The following PREP variants were observed in gnomAD, a reference collection of about 807,000 sequenced individuals.
PREP encodes the protein prolyl endopeptidase.
In PREP, 29 loss-of-function variants were observed where a neutral mutation model predicts 87.6. The ratio of observed to expected loss-of-function variants is 0.33; its 90% CI spans 0.25 to 0.45. PREP has a LOEUF of 0.45. Among genes scored for constraint, PREP ranks in the 20% least tolerant of loss-of-function variants. The probability of loss-of-function intolerance (pLI) is 1.00; values close to 1 mark genes in which losing one functional copy is unlikely to be tolerated. For synonymous variants in PREP, 337 were observed against 328.6 expected (o/e 1.03, Z -0.28); for missense variants, 695 against 886.5 (o/e 0.78, Z 2.74).
At chr6:105,365,436 C>T (rs529375110) in intron 6 of PREP, among the ~76,000 whole-genome samples, 38 of 152,284 alleles carry the variant, frequency 2.5e-4, no homozygotes, top group African/African-American at 9.1e-4. Flanking sequence ...GAAATTCCCA[C>T]CTCAAGATTT....
At chr6:105,347,015 A>G (rs1012407732) in intron 7 of PREP, among the ~76,000 whole-genome samples, 38 of 152,060 alleles carry the variant, frequency 2.5e-4, no homozygotes, top group African/African-American at 8.0e-4. Context: ...CAGGAGAATC[A>G]CTTGAACCCA....
chr6:105,276,050 A>T lies in PREP; in HGVS notation c.*2094T>A, dbSNP rs560867383. ...AAAGAGCCAAAGGGCAGAGCACAGGATACAGAAAAGTGGGATCAAATAGAG... is the reference window on the plus strand; with the variant it reads ...AAAGAGCCAAAGGGCAGAGCACAGGTTACAGAAAAGTGGGATCAAATAGAG... On this transcript the variant is annotated 3_prime_UTR_variant, in exon 15 of 15. Coordinates refer to ENST00000652536, the MANE Select transcript of PREP (RefSeq NM_002726.5). 3.9e-5 allele frequency among the ~76,000 whole-genome samples: 6 copies of T among 152,256 alleles called. No homozygotes were observed. The highest frequency in any genetic ancestry group is 8.8e-5 in the Non-Finnish European group (6 of 68,056).
chr6:105,299,524 A>G (rs1770487077), intron 10 of PREP, among the ~76,000 whole-genome samples: 1 of 152,190 alleles, frequency 6.6e-6, no homozygotes. Context: ...TCTTGAACCC[A>G]GAAGGCAGAA....
chr6:105,274,474 G>C lies in PREP; in HGVS notation c.*3670C>G, dbSNP rs1281106589. On this transcript the variant is annotated 3_prime_UTR_variant, in exon 15 of 15. Transcript: ENST00000652536. ...AAACACTCAGACAACAGCAGTAAGA[G>C]AGCTGTTTCGGCTGGGCATGGTGGC... 1.3e-5 allele frequency among the ~76,000 whole-genome samples: 2 copies of C among 152,264 alleles called. No homozygotes were observed.
Position 105,278,564 on chromosome 6 carries a change from G to C in PREP, c.1839-126C>G. The C allele has an allele frequency of 1.0e-6, 1 of 958,516 alleles. No individual in the cohort carries two copies. The highest frequency in any genetic ancestry group is 1.5e-6 in the Non-Finnish European group (1 of 657,818). The allele number at this position is 958,516 out of a possible 1,614,324, so 59.4% of individuals were successfully genotyped here. On this transcript the variant is annotated intron_variant, in intron 14 of 14. Transcript: ENST00000652536. The surrounding 1 kb of genome is among the most constrained non-coding windows in gnomAD (Gnocchi z 4.2). ...AGTACGTGAGTGACCACCATGGACT[G>C]TGCCTATGCGTTACCATTTAGGCCA... is the stretch of plus-strand genomic sequence containing the variant.
intron 12 of PREP, among the ~76,000 whole-genome samples, chr6:105,285,073 G>A (rs894462372): frequency 3.9e-5 from 6 of 152,128 alleles, no homozygotes; most frequent in Non-Finnish European, 7.4e-5. Context: ...TTTCTCTTAA[G>A]AGAAAATGAC....
At chr6:105,375,365 T>A (rs1179854852) in intron 4 of PREP, among the ~76,000 whole-genome samples, 2 of 152,194 alleles carry the variant, frequency 1.3e-5, no homozygotes, top group Non-Finnish European at 2.9e-5. Context: ...ACAGGAGAAA[T>A]GCTGAGCCAA....
chr6:105,353,233 A>G (rs1283898507), intron 6 of PREP, among the ~76,000 whole-genome samples, 156 bp from the exon 7 acceptor site: 1 of 152,226 alleles, frequency 6.6e-6, no homozygotes. Context: ...GAATAAAAAG[A>G]TGAACATCAA....
rs551863078 is a variant in PREP at position 105,274,422 on chromosome 6, T to C, written c.*3722A>G. On this transcript the variant is annotated 3_prime_UTR_variant, in exon 15 of 15. Transcript: ENST00000652536. ...TTCCATCACTTTGGGATTTACGATT[T>C]CAACATATACATTTCGGGGAGGACA... Among the ~76,000 whole-genome samples, 14 of 152,150 alleles carry C rather than the reference T, an allele frequency of 9.2e-5. No homozygotes were observed. Among genetic ancestry groups the C allele is most frequent in the African/African-American group, 3.4e-4 (14 of 41,420 alleles).
intron 6 of PREP, among the ~76,000 whole-genome samples, chr6:105,365,588 A>G (rs1772364575): frequency 6.6e-6 from 1 of 152,172 alleles, no homozygotes; most frequent in Non-Finnish European, 1.5e-5. Flanking sequence ...ATGTAGCAAG[A>G]TGGTCCTTTT....
intron 10 of PREP, among the ~76,000 whole-genome samples, chr6:105,294,815 A>T (rs1770374164): frequency 6.6e-6 from 1 of 152,154 alleles, no homozygotes; most frequent in Non-Finnish European, 1.5e-5. Flanking sequence ...TACCCCTGGA[A>T]TATCTGCTTT....
chr6:105,290,015 C>T (rs1233533521), intron 10 of PREP, among the ~76,000 whole-genome samples: 4 of 152,070 alleles, frequency 2.6e-5, no homozygotes, highest in East Asian at 3.9e-4. Flanking sequence ...CCATGATAAA[C>T]GCCTGCAATC....
intron 9 of PREP, among the ~76,000 whole-genome samples, chr6:105,326,915 C>T (rs368441427): frequency 3.3e-5 from 5 of 152,190 alleles, no homozygotes; most frequent in Non-Finnish European, 7.3e-5. Flanking sequence ...TCAAATTTCA[C>T]AGCCACAGTC....
intron 6 of PREP, among the ~76,000 whole-genome samples, chr6:105,366,941 G>C (rs1402595393): frequency 1.3e-5 from 2 of 152,184 alleles, no homozygotes; most frequent in Non-Finnish European, 1.5e-5. Flanking sequence ...TGGGTGGAGA[G>C]GGGTGGGGGA....
intron 7 of PREP, among the ~76,000 whole-genome samples, chr6:105,344,853 T>C (rs565950241): frequency 1.3e-5 from 2 of 152,190 alleles, no homozygotes; most frequent in African/African-American, 2.4e-5. Context: ...AAAAAAATCA[T>C]TCAAGCTCCA....
intron 10 of PREP, among the ~76,000 whole-genome samples, chr6:105,304,340 C>A (rs1770609995): frequency 6.6e-6 from 1 of 152,178 alleles, no homozygotes; most frequent in Non-Finnish European, 1.5e-5. Context: ...GTCCTGGAAC[C>A]AATCCCCTGT....
At chr6:105,307,151 T>C (rs1175210607) in intron 10 of PREP, among the ~76,000 whole-genome samples, 2 of 152,264 alleles carry the variant, frequency 1.3e-5, no homozygotes, top group Non-Finnish European at 2.9e-5. Context: ...CTTCAGACTC[T>C]GGATGCTTAC....
intron 14 of PREP, chr6:105,281,483 G>GGTAA (rs1341729925): frequency 2.8e-6 from 1 of 357,730 alleles, no homozygotes; most frequent in African/African-American, 2.1e-5. Context: ...GCAGTATCTA[G>GGTAA]GTAAGTGTTT....
chr6:105,386,901 T>C (rs1461003334), intron 2 of PREP, among the ~76,000 whole-genome samples: 2 of 152,160 alleles, frequency 1.3e-5, no homozygotes, highest in African/African-American at 2.4e-5. Context: ...ATTAGGCACC[T>C]AAACATGGTG....
Sources: gnomAD v4.1 joint callset for allele counts (sites outside exome capture counted in the v4.1 genomes callset) on GRCh38, gnomAD v4.1.1 for gene constraint, Gnocchi (gnomAD v3.1) non-coding constraint, MANE v1.5 for transcripts, NCBI Gene and HGNC (gene_info 2026-07-23, HGNC 2026-07-21) for gene names.